The following AFF3 variants were observed in gnomAD, a reference collection of about 807,000 sequenced individuals.
The protein encoded by AFF3 is AF4/FMR2 family member 3.
A neutral mutation model predicts 129.7 loss-of-function variants in AFF3; 32 were observed. The observed-to-expected ratio is 0.25, with a 90% CI of 0.19 to 0.33. The LOEUF (loss-of-function observed/expected upper bound fraction) is 0.33. AFF3 is among the 10% of genes least tolerant of loss of function. AFF3 has a pLI of 1.00. For synonymous variants in AFF3, 644 were observed against 635.4 expected, an observed-to-expected ratio of 1.01 and a Z score of -0.20; for missense variants, 1,373 against 1,592.0, an observed-to-expected ratio of 0.86 and a Z score of 2.34.
At chr2:99,718,506 GT>G (rs2104926484) in intron 11 of AFF3, among the ~76,000 whole-genome samples, 1 of 152,198 alleles carries the variant, frequency 6.6e-6, no homozygotes, top group Admixed American at 6.5e-5. Flanking sequence ...ACCTTTATAA[GT>G]TTACTTACTG....
chr2:99,859,221 C>G (rs2105906294), intron 7 of AFF3, among the ~76,000 whole-genome samples: 1 of 152,344 alleles, frequency 6.6e-6, no homozygotes, highest in East Asian at 1.9e-4. Context: ...CCTCAGCACT[C>G]TGGTGCACTA....
In AFF3 at chr2:99,993,792, C is replaced by CTTT. The variant is rs751882272; in HGVS notation, c.873+12837_873+12839dup. 2.6e-3 allele frequency among the ~76,000 whole-genome samples: 188 copies of CTTT among 72,556 alleles called. 8 individuals carry two copies. The highest frequency in any genetic ancestry group is 7.4e-3 in the East Asian group (14 of 1,890). The allele number at this position is 72,556 out of a possible 152,430, so 47.6% of individuals were successfully genotyped here. A position where few individuals can be genotyped will look rare whatever the true frequency, so the allele number is the denominator to read the frequency against. On this transcript the variant is annotated intron_variant, in intron 7 of 24. Coordinates refer to ENST00000672756, the MANE Select transcript of AFF3 (RefSeq NM_001386135.1). ...CAAGTAATGTGTACAAACACTTTAT[C>CTTT]TTTTTTTTTTTTTTTTTTTTTTTTT...
At chr2:99,582,153 T>C (rs904515381) in intron 17 of AFF3, among the ~76,000 whole-genome samples, 3 of 151,910 alleles carry the variant, frequency 2.0e-5, no homozygotes, top group African/African-American at 7.3e-5. Context: ...CCACGCCCGG[T>C]CGGGGTCTTT....
intron 17 of AFF3, among the ~76,000 whole-genome samples, chr2:99,579,664 G>A (rs534004904): frequency 8.5e-5 from 13 of 152,292 alleles, no homozygotes; most frequent in Non-Finnish European, 1.9e-4. Flanking sequence ...AGGTTGCAGT[G>A]AGCCAAGACT....
intron 14 of AFF3, among the ~76,000 whole-genome samples, chr2:99,594,921 C>T (rs1679137335): frequency 6.6e-6 from 1 of 152,214 alleles, no homozygotes; most frequent in African/African-American, 2.4e-5. Context: ...AACCTGCTTC[C>T]ATCACACTTT....
chr2:100,064,120 GAAAAGAA>G (rs1687528154), intron 4 of AFF3, among the ~76,000 whole-genome samples: 1 of 129,976 alleles, frequency 7.7e-6, no homozygotes, highest in African/African-American at 2.5e-5. Flanking sequence ...GAAAAGAAAA[GAAAAGAA>G]AAGAAATTCA....
chr2:99,860,720 C>T (rs1329735128), intron 7 of AFF3, among the ~76,000 whole-genome samples: 3 of 149,988 alleles, frequency 2.0e-5, no homozygotes, highest in Non-Finnish European at 4.4e-5. Context: ...AGTAAAACTC[C>T]GTCTCAAGAA....
At chr2:100,047,422 T>C (rs1171634909) in intron 4 of AFF3, among the ~76,000 whole-genome samples, 1 of 152,192 alleles carries the variant, frequency 6.6e-6, no homozygotes, top group Non-Finnish European at 1.5e-5. Context: ...GACGGTGAGT[T>C]CCAGAACTCG....
intron 8 of AFF3, among the ~76,000 whole-genome samples, chr2:99,790,658 G>A (rs886504715): frequency 6.6e-6 from 1 of 152,186 alleles, no homozygotes; most frequent in Non-Finnish European, 1.5e-5. Context: ...GTAGATGCCA[G>A]GGGTACTGCT....
intron 14 of AFF3, among the ~76,000 whole-genome samples, chr2:99,596,195 T>A (rs542808433): frequency 6.6e-6 from 1 of 152,294 alleles, no homozygotes; most frequent in South Asian, 2.1e-4. Context: ...TACCTCTGAG[T>A]TCTGCGTAAA....
chr2:99,836,800 A>G (rs1285445692), intron 8 of AFF3, among the ~76,000 whole-genome samples: 2 of 152,160 alleles, frequency 1.3e-5, no homozygotes, highest in Non-Finnish European at 2.9e-5. Context: ...AGAACTATAA[A>G]TTATTAGGTA....
chr2:99,744,746 G>A (rs974285632), intron 9 of AFF3, among the ~76,000 whole-genome samples: 4 of 152,036 alleles, frequency 2.6e-5, no homozygotes, highest in Non-Finnish European at 4.4e-5. Flanking sequence ...ATAATATTGC[G>A]TCACATGGAT....
chr2:99,911,057 C>A (rs1304465065), intron 7 of AFF3, among the ~76,000 whole-genome samples: 1 of 152,196 alleles, frequency 6.6e-6, no homozygotes, highest in African/African-American at 2.4e-5. Flanking sequence ...TTCTGATTTG[C>A]GCACACATGC....
chr2:99,850,594 A>T (rs1690074398), intron 7 of AFF3, among the ~76,000 whole-genome samples: 1 of 152,240 alleles, frequency 6.6e-6, no homozygotes, highest in Admixed American at 6.5e-5. Flanking sequence ...TTCATGTTCA[A>T]TCAGAAGTTA....
intron 13 of AFF3, among the ~76,000 whole-genome samples, chr2:99,645,750 T>C (rs1391982690): frequency 1.3e-5 from 2 of 152,206 alleles, no homozygotes; most frequent in African/African-American, 2.4e-5. Context: ...AACGGAAATA[T>C]CACAGTTTTA....
intron 8 of AFF3, among the ~76,000 whole-genome samples, chr2:99,831,673 C>T (rs1688527968): frequency 6.6e-6 from 1 of 152,140 alleles, no homozygotes; most frequent in African/African-American, 2.4e-5. Context: ...ACATTTAAGC[C>T]CTTATTTTTT....
chr2:99,969,619 G>T (rs1678146218), intron 7 of AFF3, among the ~76,000 whole-genome samples: 1 of 152,064 alleles, frequency 6.6e-6, no homozygotes, highest in Non-Finnish European at 1.5e-5. Flanking sequence ...CTCCCTAGTA[G>T]CTTGGATTAC....
intron 7 of AFF3, among the ~76,000 whole-genome samples, chr2:99,865,582 A>G (rs1430785683): frequency 3.3e-5 from 5 of 152,212 alleles, no homozygotes; most frequent in Non-Finnish European, 7.3e-5. Flanking sequence ...AACTCCAAGA[A>G]CATATATATG....
At chr2:99,948,728 A>G (rs1408460046) in intron 7 of AFF3, among the ~76,000 whole-genome samples, 1 of 152,140 alleles carries the variant, frequency 6.6e-6, no homozygotes, top group Non-Finnish European at 1.5e-5. Flanking sequence ...CTCATCCCAA[A>G]TCAGCAGTCC....
Sources: gnomAD v4.1 joint callset for allele counts (sites outside exome capture counted in the v4.1 genomes callset) on GRCh38, gnomAD v4.1.1 for gene constraint, MANE v1.5 for transcripts, NCBI Gene and HGNC (gene_info 2026-07-23, HGNC 2026-07-21) for gene names.